RHBDD1: variants seen among roughly 807,000 people sequenced by gnomAD.
RHBDD1 encodes rhomboid domain containing 1.
In RHBDD1, 38 loss-of-function variants were observed where a neutral mutation model predicts 36.3. The observed-to-expected ratio is 1.05, with a 90% CI of 0.81 to 1.37. The LOEUF is 1.37. RHBDD1 is among the 40% of genes most tolerant of loss of function. The probability of loss-of-function intolerance (pLI) is 0.00; values close to 1 mark genes in which losing one functional copy is unlikely to be tolerated. For missense variants in RHBDD1, 393 were observed against 377.6 expected (o/e 1.04, Z -0.34); for synonymous variants, 151 against 136.5 (o/e 1.11, Z -0.74).
chr2:226,938,089 A>G (rs1334362321), intron 8 of RHBDD1, among the ~76,000 whole-genome samples: 1 of 152,092 alleles, frequency 6.6e-6, no homozygotes, highest in African/African-American at 2.4e-5. Context: ...TTTCTCCACA[A>G]TCTCGCCGGC....
intron 3 of RHBDD1, among the ~76,000 whole-genome samples, chr2:226,862,460 A>G (rs1274363804): frequency 2.6e-5 from 4 of 151,812 alleles, no homozygotes; most frequent in East Asian, 1.9e-4. Context: ...TTGGGGGCCA[A>G]TTAATCTCCA....
intron 8 of RHBDD1, among the ~76,000 whole-genome samples, chr2:226,967,233 C>T (rs1952706386): frequency 6.6e-6 from 1 of 152,172 alleles, no homozygotes; most frequent in Non-Finnish European, 1.5e-5. Flanking sequence ...ACCCTCCATA[C>T]TTGATGAAAA....
intron 8 of RHBDD1, among the ~76,000 whole-genome samples, chr2:226,951,551 G>A (rs1951427507): frequency 6.6e-6 from 1 of 152,130 alleles, no homozygotes; most frequent in South Asian, 2.1e-4. Context: ...GCTTCCTATG[G>A]GAACTTCACT....
chr2:226,855,705 C>G (rs1209299243), intron 3 of RHBDD1, among the ~76,000 whole-genome samples: 1 of 152,090 alleles, frequency 6.6e-6, no homozygotes, highest in Non-Finnish European at 1.5e-5. Flanking sequence ...CTCTCAGTTC[C>G]CAATTTCTTC....
chr2:226,965,013 T>G (rs903711551), intron 8 of RHBDD1, among the ~76,000 whole-genome samples: 18 of 152,148 alleles, frequency 1.2e-4, no homozygotes, highest in Non-Finnish European at 2.5e-4. Context: ...AGCATCATAG[T>G]GGGTTGAATG....
intron 8 of RHBDD1, among the ~76,000 whole-genome samples, chr2:226,993,342 C>T (rs928396324): frequency 1.3e-5 from 2 of 152,198 alleles, no homozygotes; most frequent in African/African-American, 2.4e-5. Flanking sequence ...TCTGACTCTG[C>T]CCTCAGCTAG....
the RHBDD1 span, among the ~76,000 whole-genome samples, chr2:226,819,977 G>GTTTTTT: frequency 2.5e-5 from 3 of 118,280 alleles, no homozygotes; most frequent in East Asian, 2.5e-4. Flanking sequence ...TATTGTGTGT[G>GTTTTTT]TTTTTTTTTT....
At chr2:226,907,953 T>C (rs73085850) in intron 6 of RHBDD1, among the ~76,000 whole-genome samples, 1 of 152,194 alleles carries the variant, frequency 6.6e-6, no homozygotes, top group Non-Finnish European at 1.5e-5. Context: ...CTTTTTTCTG[T>C]GTCTCATGAT....
the RHBDD1 span, among the ~76,000 whole-genome samples, chr2:226,811,624 C>T: frequency 6.6e-6 from 1 of 152,052 alleles, no homozygotes; most frequent in Non-Finnish European, 1.5e-5. Context: ...TGTTGCCGGA[C>T]AATATTTATT....
intron 5 of RHBDD1, chr2:226,869,175 T>A: frequency 1.0e-6 from 1 of 985,378 alleles, no homozygotes; most frequent in Non-Finnish European, 1.2e-6. Context: ...AAGGGATGGT[T>A]GCATTTCTGT....
At chr2:226,856,739 G>T (rs1943367603) in intron 3 of RHBDD1, among the ~76,000 whole-genome samples, 1 of 152,190 alleles carries the variant, frequency 6.6e-6, no homozygotes, top group Non-Finnish European at 1.5e-5. Context: ...CGCTATTTGT[G>T]ATGCACTAAT....
At chr2:226,889,488 TTA>T (rs1946508579) in intron 5 of RHBDD1, among the ~76,000 whole-genome samples, 1 of 152,148 alleles carries the variant, frequency 6.6e-6, no homozygotes, top group African/African-American at 2.4e-5. Context: ...ATAAAGGAGA[TTA>T]AAACTATCTG....
intron 3 of RHBDD1, among the ~76,000 whole-genome samples, chr2:226,856,292 T>C (rs893541775): frequency 1.3e-5 from 2 of 152,186 alleles, no homozygotes; most frequent in Non-Finnish European, 1.5e-5. Flanking sequence ...AGAAAACAGA[T>C]TGCGAGTATT....
chr2:226,992,831 G>T (rs145075849), intron 8 of RHBDD1, among the ~76,000 whole-genome samples: 1 of 152,192 alleles, frequency 6.6e-6, no homozygotes, highest in Non-Finnish European at 1.5e-5. Context: ...GACTCAGAAG[G>T]TTCGCTGTTC....
intron 8 of RHBDD1, among the ~76,000 whole-genome samples, chr2:226,929,918 A>C (rs1401066072): frequency 6.6e-6 from 1 of 151,892 alleles, no homozygotes; most frequent in Non-Finnish European, 1.5e-5. Flanking sequence ...ACAAAACAAA[A>C]AACAAAACAA....
At chr2:226,824,530 G>C in the RHBDD1 span, among the ~76,000 whole-genome samples, 1 of 152,178 alleles carries the variant, frequency 6.6e-6, no homozygotes, top group Non-Finnish European at 1.5e-5. Context: ...AGAAAAGGAA[G>C]AAATCTAAAT....
At chr2:226,960,947 T>C (rs1952151121) in intron 8 of RHBDD1, among the ~76,000 whole-genome samples, 1 of 152,254 alleles carries the variant, frequency 6.6e-6, no homozygotes, top group Admixed American at 6.5e-5. Context: ...ATGGTAGTTA[T>C]TTGATGGGAG....
At chr2:226,914,990 A>T (rs1948797933) in intron 8 of RHBDD1, among the ~76,000 whole-genome samples, 1 of 152,190 alleles carries the variant, frequency 6.6e-6, no homozygotes, top group South Asian at 2.1e-4. Context: ...TTTAAAGGGC[A>T]TTTGTTAAAG....
intron 8 of RHBDD1, among the ~76,000 whole-genome samples, chr2:226,921,009 A>AT (rs1339299186): frequency 2.6e-5 from 4 of 151,986 alleles, no homozygotes; most frequent in Admixed American, 6.6e-5. Flanking sequence ...TTGCTGGGAA[A>AT]TTTTTTATTA....
Sources: gnomAD v4.1 joint callset for allele counts (sites outside exome capture counted in the v4.1 genomes callset) on GRCh38, gnomAD v4.1.1 for gene constraint, MANE v1.5 for transcripts, NCBI Gene and HGNC (gene_info 2026-07-23, HGNC 2026-07-21) for gene names.